The following SNU13 variants were observed in gnomAD, a reference collection of about 807,000 sequenced individuals.
SNU13 encodes small nuclear ribonucleoprotein 13, also known as NHP2-like protein 1.
A neutral mutation model predicts 12.4 loss-of-function variants in SNU13; 2 were observed. The ratio of observed to expected loss-of-function variants is 0.16; its 90% CI spans 0.07 to 0.51. The LOEUF is 0.51. Among genes scored for constraint, SNU13 ranks in the 20% least tolerant of loss-of-function variants. SNU13 has a pLI of 0.96. For synonymous variants in SNU13, 68 were observed against 66.5 expected (o/e 1.02, Z -0.11); for missense variants, 66 against 157.8 (o/e 0.42, Z 3.12).
At chr22:41,678,848 G>A (rs987707585) in intron 2 of SNU13, among the ~76,000 whole-genome samples, 3 of 152,204 alleles carry the variant, frequency 2.0e-5, no homozygotes, top group Admixed American at 1.3e-4. Flanking sequence ...AAAAGCGATT[G>A]TAATAGTTCT....
At position 41,679,996 on chromosome 22, in the gene SNU13, C is replaced by G. The variant is rs569032743; in HGVS notation, c.124+248G>C. Reference sequence around the variant, plus strand: ...ACTATACAGTCTCCACAACTGCTTTCAAATGGCTCAGCAAAAATAAAATTC... The same window carrying G: ...ACTATACAGTCTCCACAACTGCTTTGAAATGGCTCAGCAAAAATAAAATTC... On this transcript the variant is annotated intron_variant, in intron 2 of 2. Coordinates refer to ENST00000401959, the MANE Select transcript of SNU13 (RefSeq NM_001003796.2). 7.9e-5 allele frequency among the ~76,000 whole-genome samples: 12 copies of G among 152,276 alleles called. No homozygotes were observed. In the East Asian group the frequency reaches 2.3e-3, roughly 29 times the overall value.
chr22:41,687,249 G>A (rs558958191), intron 1 of SNU13, among the ~76,000 whole-genome samples: 2 of 152,214 alleles, frequency 1.3e-5, no homozygotes, highest in Admixed American at 6.5e-5. Flanking sequence ...GAGCCACCGC[G>A]CCTGGCCCTG....
chr22:41,681,756 T>C (rs944227469), intron 1 of SNU13, among the ~76,000 whole-genome samples: 6 of 152,320 alleles, frequency 3.9e-5, no homozygotes, highest in Non-Finnish European at 7.4e-5. Context: ...CTCACGCCTG[T>C]AGTCCTAGCT....
chr22:41,678,114 T>G (rs1181363048), intron 2 of SNU13, among the ~76,000 whole-genome samples: 1 of 152,108 alleles, frequency 6.6e-6, no homozygotes, highest in African/African-American at 2.4e-5. Flanking sequence ...CAGCTGGGAC[T>G]ATAGGCGCCC....
intron 1 of SNU13, chr22:41,688,085 G>A (rs1386131344): frequency 2.0e-5 from 3 of 152,236 alleles, no homozygotes; most frequent in Non-Finnish European, 4.4e-5. Context: ...ACACGTTTTA[G>A]AACTTTCCCT....
intron 1 of SNU13, among the ~76,000 whole-genome samples, chr22:41,681,746 C>T (rs1232132079): frequency 6.6e-6 from 1 of 152,212 alleles, no homozygotes; most frequent in Admixed American, 6.5e-5. Flanking sequence ...AGCGCGGTGT[C>T]TCACGCCTGT....
At chr22:41,677,979 C>CTT (rs1260598847) in intron 2 of SNU13, among the ~76,000 whole-genome samples, 1,875 of 143,844 alleles carry the variant, frequency 0.013, 49 homozygotes, top group African/African-American at 0.046. Flanking sequence ...TTACAGCATT[C>CTT]TTTTTTTTTT....
intron 1 of SNU13, chr22:41,682,368 C>T (rs773036576): frequency 6.2e-7 from 1 of 1,614,130 alleles, no homozygotes; most frequent in Non-Finnish European, 8.5e-7. Flanking sequence ...TAGCGTCTGT[C>T]TTGGTAGTCT....
intron 2 of SNU13, among the ~76,000 whole-genome samples, chr22:41,679,529 T>A (rs2068243922): frequency 6.6e-6 from 1 of 151,830 alleles, no homozygotes; most frequent in Admixed American, 6.6e-5. Flanking sequence ...GCACTCCAGC[T>A]TGGGCAACAA....
chr22:41,682,485 T>C (rs751500965), intron 1 of SNU13: 7 of 1,579,234 alleles, frequency 4.4e-6, no homozygotes, highest in Non-Finnish European at 5.1e-6. Flanking sequence ...GTGACGCCAC[T>C]GCCGCCAGCG....
chr22:41,682,463 C>T, intron 1 of SNU13: 1 of 1,601,056 alleles, frequency 6.2e-7, no homozygotes, highest in Non-Finnish European at 8.5e-7. Flanking sequence ...GCCCCGCCCC[C>T]AAGAGCAGGA....
At chr22:41,689,049 A>G, upstream of SNU13, 1 of 1,245,134 alleles carries the variant, frequency 8.0e-7, no homozygotes, top group Non-Finnish European at 1.0e-6. Flanking sequence ...TGGCAGAAAC[A>G]ATGAATTAAA....
At chr22:41,684,841 C>G (rs1237873127) in intron 1 of SNU13, among the ~76,000 whole-genome samples, 1 of 152,066 alleles carries the variant, frequency 6.6e-6, no homozygotes, top group Non-Finnish European at 1.5e-5. Context: ...AGACCCCCAT[C>G]TCTAAAAATA....
At chr22:41,679,949 G>T in intron 2 of SNU13, 1 of 210,518 alleles carries the variant, frequency 4.8e-6, no homozygotes, top group Non-Finnish European at 9.5e-6. Context: ...CCTTCTGATG[G>T]CTCTGGTGAG....
chr22:41,682,054 G>A (rs766685283), intron 1 of SNU13, among the ~76,000 whole-genome samples: 5 of 151,790 alleles, frequency 3.3e-5, no homozygotes, highest in Non-Finnish European at 7.4e-5. Flanking sequence ...TATAACCCAG[G>A]TGCGGCCCCA....
chr22:41,675,344 A>C (rs907684725), intron 2 of SNU13, 149 bp from the exon 3 acceptor site: 1 of 951,110 alleles, frequency 1.1e-6, no homozygotes, highest in African/African-American at 1.6e-5. Flanking sequence ...AGTCAGTCAT[A>C]CACAATGGCA....
rs140259537 is a variant in SNU13 at position 41,684,196 on chromosome 22, C to T, written c.4-3832G>A. The stretch of plus-strand genomic sequence containing the variant: ...CTGGGATTACAGGTGTGAGCCACTG[C>T]GCCTGGCCGGGAGCAGAGGTTTAAT... On this transcript the variant is annotated intron_variant, in intron 1 of 2. Transcript: ENST00000401959. 6.8e-4 allele frequency among the ~76,000 whole-genome samples: 103 copies of T among 152,220 alleles called. 1 individual carries two copies. The highest frequency in any genetic ancestry group is 1.6e-3 in the African/African-American group (65 of 41,532).
At chr22:41,687,600 G>A (rs1478951360) in intron 1 of SNU13, 5 of 152,134 alleles carry the variant, frequency 3.3e-5, no homozygotes, top group African/African-American at 4.8e-5. Context: ...ATAAATTAAC[G>A]AATGATATCA....
At chr22:41,690,188 G>A (rs1224401940), upstream of SNU13, among the ~76,000 whole-genome samples, 1 of 152,106 alleles carries the variant, frequency 6.6e-6, no homozygotes, top group Non-Finnish European at 1.5e-5. Context: ...TGCAAGCAAC[G>A]AGAAAGGCAT....
Sources: allele counts gnomAD v4.1 joint callset (sites outside exome capture counted in the v4.1 genomes callset), GRCh38; gene constraint gnomAD v4.1.1; transcripts MANE v1.5; gene names NCBI Gene and HGNC (gene_info 2026-07-23, HGNC 2026-07-21).